Variants in MTHFS observed in about 807,000 individuals in gnomAD.
MTHFS encodes methenyltetrahydrofolate synthetase.
A neutral mutation model predicts 12.7 loss-of-function variants in MTHFS; 7 were observed. The observed-to-expected ratio is 0.55, with a 90% CI of 0.31 to 1.03. The LOEUF (loss-of-function observed/expected upper bound fraction) is 1.03. MTHFS is among the 50% of genes least tolerant of loss of function. The pLI, the probability that MTHFS is intolerant of heterozygous loss-of-function variation, is 0.05. For missense variants in MTHFS, 252 were observed against 258.1 expected (o/e 0.98, Z 0.16); for synonymous variants, 100 against 97.1 (o/e 1.03, Z -0.18).
chr15:79,877,369 C>G (rs1022482958), intron 2 of MTHFS: 1 of 151,910 alleles, frequency 6.6e-6, no homozygotes, highest in Non-Finnish European at 1.5e-5. Flanking sequence ...TCTACAGACC[C>G]AAGAAGCTCA....
intron 2 of MTHFS, among the ~76,000 whole-genome samples, chr15:79,871,107 G>A (rs2034097094): frequency 1.3e-5 from 2 of 152,002 alleles, no homozygotes; most frequent in East Asian, 1.9e-4. Context: ...TGCTCCATTC[G>A]ACTCCAGCCT....
chr15:79,863,537 T>A (rs1032170279), intron 2 of MTHFS, among the ~76,000 whole-genome samples: 4 of 152,110 alleles, frequency 2.6e-5, no homozygotes, highest in African/African-American at 9.7e-5. Context: ...TGGACATCAT[T>A]CTCTCTTTCT....
At chr15:79,848,821 T>C (rs1031594592) in intron 2 of MTHFS, among the ~76,000 whole-genome samples, 27 of 152,150 alleles carry the variant, frequency 1.8e-4, no homozygotes, top group Admixed American at 1.3e-3. Context: ...GAAAATTTCT[T>C]TGAGGGCCAT....
chr15:79,848,776 T>C (rs1396982569), intron 2 of MTHFS, among the ~76,000 whole-genome samples: 1 of 152,194 alleles, frequency 6.6e-6, no homozygotes, highest in Non-Finnish European at 1.5e-5. Context: ...TGTACCACAG[T>C]TGATGGTACA....
At chr15:79,897,015 G>A (rs1008434511), upstream of MTHFS, 31 of 1,498,968 alleles carry the variant, frequency 2.1e-5, no homozygotes, top group African/African-American at 7.2e-5. Flanking sequence ...GTCCAGTCCC[G>A]CCCTCGGCGC....
At chr15:79,845,724 C>T (rs1263231803) in intron 2 of MTHFS, among the ~76,000 whole-genome samples, 1 of 152,166 alleles carries the variant, frequency 6.6e-6, no homozygotes, top group Non-Finnish European at 1.5e-5. Context: ...TACAGAGAAT[C>T]TCCAGAGATA....
chr15:79,889,537 G>GT (rs2034438132), intron 1 of MTHFS, among the ~76,000 whole-genome samples, 183 bp from the exon 2 acceptor site: 1 of 151,992 alleles, frequency 6.6e-6, no homozygotes, highest in Non-Finnish European at 1.5e-5. Context: ...CTGACTTTTA[G>GT]TTTGGGACCC....
At chr15:79,894,623 G>A (rs1313253643) in intron 1 of MTHFS, among the ~76,000 whole-genome samples, 1 of 152,028 alleles carries the variant, frequency 6.6e-6, no homozygotes, top group Non-Finnish European at 1.5e-5. Flanking sequence ...ATCTTCTACG[G>A]AGAAAGACAA....
chr15:79,845,485 G>C, intron 2 of MTHFS, 43 bp from the exon 3 acceptor site: 1 of 1,588,554 alleles, frequency 6.3e-7, no homozygotes, highest in South Asian at 1.1e-5. Flanking sequence ...AATTGTTTCT[G>C]AAAGATCATT....
chr15:79,897,100 C>T (rs1305322785), upstream of MTHFS: 2 of 1,055,068 alleles, frequency 1.9e-6, no homozygotes, highest in African/African-American at 3.6e-5. Flanking sequence ...CGGGTCGGGG[C>T]TCGGGGAAGC....
intron 2 of MTHFS, among the ~76,000 whole-genome samples, chr15:79,882,340 C>T (rs982686289): frequency 6.6e-6 from 1 of 152,150 alleles, no homozygotes; most frequent in African/African-American, 2.4e-5. Context: ...TAAAAATACC[C>T]AGACTGTCAG....
intron 1 of MTHFS, among the ~76,000 whole-genome samples, chr15:79,895,262 CT>C (rs1376383728): frequency 6.6e-6 from 1 of 152,226 alleles, no homozygotes; most frequent in African/African-American, 2.4e-5. Flanking sequence ...TCACACTCCC[CT>C]ATCCCATCTT....
intron 2 of MTHFS, among the ~76,000 whole-genome samples, chr15:79,864,547 CAAAA>C (rs58698908): frequency 9.3e-5 from 6 of 64,526 alleles, no homozygotes; most frequent in South Asian, 1.1e-3. Context: ...TCCATCTCAA[CAAAA>C]AAAAAAAAAA....
At chr15:79,875,841 T>C (rs1487682343) in intron 2 of MTHFS, 3 of 151,888 alleles carry the variant, frequency 2.0e-5, no homozygotes, top group Non-Finnish European at 4.4e-5. Context: ...CCAGAACACA[T>C]AAAAAACTTA....
At chr15:79,873,450 C>A (rs972744021) in intron 2 of MTHFS, among the ~76,000 whole-genome samples, 4 of 152,134 alleles carry the variant, frequency 2.6e-5, no homozygotes, top group African/African-American at 9.7e-5. Context: ...ACTGTTATTA[C>A]ATTATGCATC....
chr15:79,884,607 A>G (rs752925443), intron 2 of MTHFS, among the ~76,000 whole-genome samples: 9 of 152,250 alleles, frequency 5.9e-5, no homozygotes, highest in Non-Finnish European at 1.3e-4. Flanking sequence ...GGTGATAAAA[A>G]CATTACAAAG....
rs1596082954 is a variant in MTHFS, at chr15:79,890,458, A to G, written c.118-1104T>C. ...TGCTCAGGCTGGTCTCAAACTCCTG[A>G]GCTCAACTGATCCACCCACCTGGAC... On this transcript the variant is annotated intron_variant, in intron 1 of 2. Coordinates refer to ENST00000258874, the MANE Select transcript of MTHFS (RefSeq NM_006441.4). Among the ~76,000 whole-genome samples, 4 of 151,836 alleles carry G rather than the reference A, an allele frequency of 2.6e-5. No individual in the cohort carries two copies. The East Asian group carries it at 5.8e-4, about 22-fold the overall frequency.
At chr15:79,895,453 C>G (rs2034551483) in intron 1 of MTHFS, among the ~76,000 whole-genome samples, 1 of 152,240 alleles carries the variant, frequency 6.6e-6, no homozygotes, top group Non-Finnish European at 1.5e-5. Flanking sequence ...TCTAGGCTCT[C>G]TGCTCCTTTA....
At chr15:79,884,931 C>A (rs1225954999) in intron 2 of MTHFS, among the ~76,000 whole-genome samples, 1 of 151,924 alleles carries the variant, frequency 6.6e-6, no homozygotes, top group Non-Finnish European at 1.5e-5. Context: ...CCCTGCTATA[C>A]TCCCATCACA....
Sources: allele counts gnomAD v4.1 joint callset (sites outside exome capture counted in the v4.1 genomes callset), GRCh38; gene constraint gnomAD v4.1.1; transcripts MANE v1.5; gene names NCBI Gene and HGNC (gene_info 2026-07-23, HGNC 2026-07-21).